Variants in ADK observed in about 807,000 individuals in gnomAD.
The protein encoded by ADK is N6,N6-dimethyladenosine kinase.
ADK carries 24 observed loss-of-function variants against 44.7 expected under a neutral mutation model. That is an observed-to-expected ratio of 0.54 (90% CI 0.39 to 0.76). The LOEUF (loss-of-function observed/expected upper bound fraction) is 0.76, where lower values mean the gene tolerates loss of function less well. Ranked by LOEUF, ADK falls within the 30% of genes least tolerant of loss-of-function variation. ADK has a pLI of 0.00. For missense variants in ADK, 321 were observed against 425.1 expected (o/e 0.76, Z 2.15); for synonymous variants, 128 against 142.6 (o/e 0.90, Z 0.73).
At chr10:74,707,471 A>T (rs889412276) in intron 10 of ADK, among the ~76,000 whole-genome samples, 2 of 151,842 alleles carry the variant, frequency 1.3e-5, no homozygotes, top group South Asian at 4.2e-4. Flanking sequence ...CTATCAACAT[A>T]TGCTTCCCTG....
At chr10:74,193,413 C>G (rs765002340) in intron 1 of ADK, among the ~76,000 whole-genome samples, 3 of 152,096 alleles carry the variant, frequency 2.0e-5, no homozygotes, top group Non-Finnish European at 2.9e-5. Context: ...CCGCCTCCCC[C>G]CACCCCAGTG....
chr10:74,175,350 G>C lies in ADK; in HGVS notation c.65+24007G>C, dbSNP rs534231605. On this transcript the variant is annotated intron_variant, in intron 1 of 10. Coordinates refer to ENST00000539909, the MANE Select transcript of ADK (RefSeq NM_006721.4). ...AGATCGCACCACTGCACTCCAACCT[G>C]GGCGACAGAACAAGACTCCAGCTCA... is the stretch of plus-strand genomic sequence containing the variant. 3.0e-3 allele frequency among the ~76,000 whole-genome samples: 461 copies of C among 151,218 alleles called. 3 individuals carry two copies. Among genetic ancestry groups the C allele is most frequent in the African/African-American group, 0.011 (442 of 41,142 alleles).
intron 3 of ADK, among the ~76,000 whole-genome samples, chr10:74,275,310 G>C (rs1489917603): frequency 1.3e-5 from 2 of 152,080 alleles, no homozygotes; most frequent in Non-Finnish European, 2.9e-5. Context: ...CTCTGCGCTG[G>C]GGTGGGGGAC....
chr10:74,582,764 T>G (rs1164466607), intron 7 of ADK, among the ~76,000 whole-genome samples: 1 of 151,962 alleles, frequency 6.6e-6, no homozygotes, highest in African/African-American at 2.4e-5. Context: ...CCCCATAGAG[T>G]TTTTGGCACT....
At chr10:74,539,535 G>A (rs1849558419) in intron 7 of ADK, among the ~76,000 whole-genome samples, 1 of 152,124 alleles carries the variant, frequency 6.6e-6, no homozygotes, top group Admixed American at 6.5e-5. Context: ...TCCTAAGAGA[G>A]GTGGAAGTCC....
intron 6 of ADK, among the ~76,000 whole-genome samples, chr10:74,413,271 G>A (rs577299832): frequency 6.6e-6 from 1 of 151,904 alleles, no homozygotes; most frequent in South Asian, 2.1e-4. Flanking sequence ...TTGAAGCTTC[G>A]AAGCCAAGCA....
intron 7 of ADK, among the ~76,000 whole-genome samples, chr10:74,584,758 T>C (rs1300184911): frequency 6.6e-6 from 1 of 152,092 alleles, no homozygotes; most frequent in Non-Finnish European, 1.5e-5. Context: ...AGGAGGTAAA[T>C]GTTTGTTGCA....
At chr10:74,161,462 A>G (rs973901563) in intron 1 of ADK, among the ~76,000 whole-genome samples, 1 of 151,764 alleles carries the variant, frequency 6.6e-6, no homozygotes, top group Non-Finnish European at 1.5e-5. Context: ...ACCTGCCTCA[A>G]CCTCCCAAAG....
At chr10:74,663,847 C>T (rs1197607271) in intron 9 of ADK, among the ~76,000 whole-genome samples, 1 of 151,784 alleles carries the variant, frequency 6.6e-6, no homozygotes, top group African/African-American at 2.4e-5. Context: ...TTTTTATTGC[C>T]CTGTTTATTA....
chr10:74,656,292 G>A (rs1020628641), intron 9 of ADK, among the ~76,000 whole-genome samples: 4 of 152,232 alleles, frequency 2.6e-5, no homozygotes, highest in Non-Finnish European at 5.9e-5. Context: ...TCCTCCCACA[G>A]CAGCTGTGAA....
At chr10:74,574,869 C>T (rs948310737) in intron 7 of ADK, among the ~76,000 whole-genome samples, 5 of 152,140 alleles carry the variant, frequency 3.3e-5, no homozygotes, top group Admixed American at 1.3e-4. Flanking sequence ...GATTCTACTA[C>T]TAGAATAATC....
rs10509351 is a variant in ADK at position 74,646,283 on chromosome 10, A to G, written c.878-23900A>G. Among the ~76,000 whole-genome samples, 1,235 of 152,320 alleles carry G rather than the reference A, an allele frequency of 8.1e-3. 21 individuals are homozygous for G. The highest frequency in any genetic ancestry group is 0.028 in the African/African-American group (1,152 of 41,568). On this transcript the variant is annotated intron_variant, in intron 9 of 10. Coordinates refer to ENST00000539909, the MANE Select transcript of ADK (RefSeq NM_006721.4). ...GGAGAATGGCAAGTTATGATTCTTCAGTCACTTTGGGGATTAACACAAGGA... is the reference window on the plus strand; with the variant it reads ...GGAGAATGGCAAGTTATGATTCTTCGGTCACTTTGGGGATTAACACAAGGA...
chr10:74,291,143 T>C (rs139591462), intron 3 of ADK, among the ~76,000 whole-genome samples: 2,514 of 152,166 alleles, frequency 0.017, 40 homozygotes, highest in Non-Finnish European at 0.029. Flanking sequence ...AGAGGCTGGG[T>C]GCGGTGGCTC....
chr10:74,702,799 A>G (rs1443888603), intron 10 of ADK, among the ~76,000 whole-genome samples: 1 of 151,748 alleles, frequency 6.6e-6, no homozygotes, highest in African/African-American at 2.4e-5. Flanking sequence ...AGGTTTCACC[A>G]TGTTGGCCAG....
chr10:74,560,749 T>G (rs1189862500), intron 7 of ADK, among the ~76,000 whole-genome samples: 1 of 152,198 alleles, frequency 6.6e-6, no homozygotes, highest in Non-Finnish European at 1.5e-5. Flanking sequence ...AAAATTCCTT[T>G]AGATAAAAGC....
Position 74,378,345 on chromosome 10 carries a change from T to C in ADK, c.274-15796T>C, listed in dbSNP as rs558808433. Among the ~76,000 whole-genome samples the C allele has an allele frequency of 3.9e-5, 6 of 152,314 alleles. No homozygotes were observed. In the East Asian group the frequency reaches 1.2e-3, roughly 29 times the overall value. Reference sequence around the variant, plus strand: ...TATTGTGCTTTCCCTTTTTTTCATATTTTAGGCCTTTAATTTTAGGATGTA... The same window carrying C: ...TATTGTGCTTTCCCTTTTTTTCATACTTTAGGCCTTTAATTTTAGGATGTA... On this transcript the variant is annotated intron_variant, in intron 4 of 10. Transcript: ENST00000539909.
At chr10:74,208,099 C>T (rs961756682) in intron 2 of ADK, among the ~76,000 whole-genome samples, 6 of 152,258 alleles carry the variant, frequency 3.9e-5, no homozygotes, top group Non-Finnish European at 8.8e-5. Context: ...CTTTGCTCCA[C>T]CCTGGAGCAG....
chr10:74,597,584 A>G (rs538631323), intron 8 of ADK, among the ~76,000 whole-genome samples: 1 of 152,224 alleles, frequency 6.6e-6, no homozygotes, highest in South Asian at 2.1e-4. Flanking sequence ...GTCATTTTGT[A>G]GAATGTCCTT....
intron 4 of ADK, among the ~76,000 whole-genome samples, chr10:74,385,037 CAG>C (rs1344140650): frequency 3.9e-5 from 6 of 152,004 alleles, no homozygotes; most frequent in East Asian, 1.9e-4. Context: ...GATGGAGTGA[CAG>C]AGAGAATGGG....
Sources: allele counts gnomAD v4.1 joint callset (sites outside exome capture counted in the v4.1 genomes callset), GRCh38; gene constraint gnomAD v4.1.1; transcripts MANE v1.5; gene names NCBI Gene and HGNC (gene_info 2026-07-23, HGNC 2026-07-21).